The following CHADL variants were observed in gnomAD, a reference collection of about 807,000 sequenced individuals.
CHADL encodes chondroadherin like, also known as chondroadherin-like protein.
Under a neutral mutation model 52.1 loss-of-function variants are expected in CHADL, and 48 were observed. That is an observed-to-expected ratio of 0.92 (90% CI 0.73 to 1.17). CHADL has a LOEUF of 1.17. CHADL is among the 50% of genes most tolerant of loss of function. The pLI, the probability that CHADL is intolerant of heterozygous loss-of-function variation, is 0.00. For synonymous variants in CHADL, 498 were observed against 511.2 expected (o/e 0.97, Z 0.35); for missense variants, 977 against 1,035.1 (o/e 0.94, Z 0.77).
chr22:41,240,458 G>T (rs542918604), intron 1 of CHADL, among the ~76,000 whole-genome samples: 1 of 152,182 alleles, frequency 6.6e-6, no homozygotes, highest in Admixed American at 6.5e-5. Context: ...CCGGCCCCCA[G>T]GAGCCTCCCC....
chr22:41,234,560 T>C (rs1365385937), intron 5 of CHADL, among the ~76,000 whole-genome samples: 2 of 150,890 alleles, frequency 1.3e-5, no homozygotes, highest in African/African-American at 4.9e-5. Context: ...TTTTTTTTTT[T>C]TGAGACAGAG....
Position 41,238,343 on chromosome 22 carries a change from G to A in CHADL, c.729C>T (p.Thr243=). 1 of 1,511,414 alleles carries A rather than the reference G, an allele frequency of 6.6e-7. No individual in the cohort carries two copies. The highest frequency in any genetic ancestry group is 1.2e-5 in the South Asian group (1 of 81,142). 93.6% of individuals were successfully genotyped at this position (1,511,414 alleles called of 1,614,324 possible). ...CCAGCCCGTCCTCCTCGCCCGCGTAGGTGAGCGGGTTGTGGCCCAGCTCCA... is the reference window on the plus strand; with the variant it reads ...CCAGCCCGTCCTCCTCGCCCGCGTAAGTGAGCGGGTTGTGGCCCAGCTCCA... ...ARLELGHNPL[T]YAGEEDGLAL... The change falls in exon 3 of 6, where the codon ACC becomes ACT. Residue 243 remains threonine (T), a synonymous_variant. Coordinates refer to ENST00000216241, the MANE Select transcript of CHADL (RefSeq NM_138481.2). The surrounding 1 kb of genome is among the most constrained non-coding windows in gnomAD (Gnocchi z 4.9).
At position 41,237,311 on chromosome 22, in the gene CHADL, C is replaced by T; in HGVS notation, c.1761G>A (p.Gly587=). 1 of 1,550,694 alleles carries T rather than the reference C, an allele frequency of 6.4e-7. No homozygotes were observed. The highest frequency in any genetic ancestry group is 8.7e-7 in the Non-Finnish European group (1 of 1,146,950). ...GGAGGGCAGGCAGCCCCTCCAAGGC[C>T]CCAGTGGGCACCTCTCGCAGCTGAT... The part of the protein sequence containing the change: ...DRNQLREVPT[G]ALEGLPALLE... Residue 587 remains glycine, a synonymous_variant, in exon 3 of 6, where the codon GGG becomes GGA. Transcript: ENST00000216241.
intron 3 of CHADL, 21 bp downstream of exon 3, chr22:41,237,155 C>T (rs567216899): frequency 1.6e-5 from 24 of 1,521,088 alleles, no homozygotes; most frequent in Non-Finnish European, 1.9e-5. Context: ...GCACCAACCC[C>T]GCCAGATGCC....
At chr22:41,231,059 C>T (rs1456573411) in intron 5 of CHADL, 1 of 152,182 alleles carries the variant, frequency 6.6e-6, no homozygotes, top group Non-Finnish European at 1.5e-5. Flanking sequence ...GTTAAAGGGT[C>T]CAGTTCTGAC....
intron 3 of CHADL, among the ~76,000 whole-genome samples, 180 bp from the exon 4 acceptor site, chr22:41,236,830 G>A (rs569348503): frequency 3.3e-5 from 5 of 152,338 alleles, no homozygotes; most frequent in Admixed American, 2.0e-4. Context: ...CACTTGCTCC[G>A]TCCAAGTCAC....
chr22:41,238,526 C>A lies in CHADL; in HGVS notation c.546G>T (p.Leu182=). The change falls in exon 3 of 6, where the codon CTG becomes CTT. Residue 182 remains leucine (L), a synonymous_variant. Coordinates refer to ENST00000216241, the MANE Select transcript of CHADL (RefSeq NM_138481.2). This position sits in a 1 kb window ranked among gnomAD's most constrained non-coding sequence, Gnocchi z 4.9. The stretch of plus-strand genomic sequence containing the variant: ...GCGACAGCCGCAGCCAGCGGACGCG[C>A]AGTAGCCCCTGGAAGGCCATGGCGG... ...YLPAMAFQGL[L]RVRWLRLSHN... is the part of the protein sequence containing the mutation. 4 of 1,544,484 alleles carry A rather than the reference C, an allele frequency of 2.6e-6. No homozygotes were observed. The highest frequency in any genetic ancestry group is 3.5e-6 in the Non-Finnish European group (4 of 1,145,828).
intron 5 of CHADL, among the ~76,000 whole-genome samples, chr22:41,232,084 G>A (rs965285358): frequency 1.3e-5 from 2 of 152,170 alleles, no homozygotes; most frequent in East Asian, 1.9e-4. Flanking sequence ...TGTAATCCCA[G>A]CACTTTGGGA....
chr22:41,230,488 C>A, intron 5 of CHADL: 1 of 500,794 alleles, frequency 2.0e-6, no homozygotes, highest in Non-Finnish European at 3.5e-6. Context: ...CCCCAGAACT[C>A]GTCTGTGAAC....
chr22:41,237,879 C>T lies in CHADL; in HGVS notation c.1193G>A (p.Arg398His), dbSNP rs989104807. Residue 398 changes from arginine (R) to histidine (H), a missense_variant, in exon 3 of 6, where the codon CGC becomes CAC. By Grantham distance (29) the Arg-to-His change is conservative. Coordinates refer to ENST00000216241, the MANE Select transcript of CHADL (RefSeq NM_138481.2). ...GGACTCGGGGACGCACACGCAGGCG[C>T]GAGGGCAAGGCGCGACTGCCCGCTC... ...GEERAVAPCP[R>H]ACVCVPESRH... 12 of 1,259,212 alleles carry T rather than the reference C, an allele frequency of 9.5e-6. No homozygotes were observed. The highest frequency in any genetic ancestry group is 1.7e-5 in the South Asian group (1 of 59,166). The allele number at this position is 1,259,212 out of a possible 1,614,324, so 78.0% of individuals were successfully genotyped here.
rs775789360 is a variant in CHADL at position 41,229,652 on chromosome 22, C to T, written c.*52G>A. ...AGATCTCGTCGGAGCCTGTTCCTGG[C>T]GAGAGTAAGAGCCACCGGGCTGGGT... is the stretch of plus-strand genomic sequence containing the variant. On this transcript the variant is annotated 3_prime_UTR_variant, in exon 6 of 6. Coordinates refer to ENST00000216241, the MANE Select transcript of CHADL (RefSeq NM_138481.2). 2.1e-5 allele frequency: 34 copies of T among 1,613,308 alleles called. No individual in the cohort carries two copies. Among genetic ancestry groups the T allele is most frequent in the South Asian group, 1.6e-4 (15 of 91,044 alleles).
Position 41,239,459 on chromosome 22 carries a change from G to A in CHADL, c.170C>T (p.Pro57Leu), listed in dbSNP as rs1271623411. Reference protein sequence around the residue: ...ACRYQNLTEVPDAIPELTQRL... With the variant: ...ACRYQNLTEVLDAIPELTQRL... ...CCTGCTGACCTCAGGGATGGCGTCT[G>A]GCACCTCAGTGAGGTTCTGGTACCG... Residue 57 changes from proline (P) to leucine (L), a missense_variant, in exon 2 of 6, where the codon CCA (proline) becomes CTA (leucine). Pro to Leu is a moderately conservative substitution (Grantham distance 98, BLOSUM62 -3). Transcript: ENST00000216241. The A allele has an allele frequency of 6.4e-7, 1 of 1,550,876 alleles. No homozygotes were observed. Among genetic ancestry groups the A allele is most frequent in the Admixed American group, 2.0e-5 (1 of 50,944 alleles).
At chr22:41,236,210 G>T (rs568694952) in intron 4 of CHADL, among the ~76,000 whole-genome samples, 1 of 152,266 alleles carries the variant, frequency 6.6e-6, no homozygotes, top group African/African-American at 2.4e-5. Context: ...AAGTGGTCTC[G>T]CCTACCTATT....
chr22:41,238,094 C>T lies in CHADL; in HGVS notation c.978G>A (p.Ala326=). The change falls in exon 3 of 6, where the codon GCG becomes GCA. Residue 326 remains alanine, a synonymous_variant. Transcript: ENST00000216241. This position sits in a 1 kb window ranked among gnomAD's most constrained non-coding sequence, Gnocchi z 4.9. ...CGCCGTCCGAGCGCACGCGCGCCCGCGCCAGCCACTCGAGTAGGGGCCGCG... is the reference window on the plus strand; with the variant it reads ...CGCCGTCCGAGCGCACGCGCGCCCGTGCCAGCCACTCGAGTAGGGGCCGCG... ...CQARPLLEWL[A]RARVRSDGAC... is the part of the protein sequence containing the mutation. 2.3e-6 allele frequency: 3 copies of T among 1,294,306 alleles called. No individual in the cohort carries two copies. Among genetic ancestry groups the T allele is most frequent in the South Asian group, 5.3e-5 (2 of 37,676 alleles). The allele number at this position is 1,294,306 out of a possible 1,614,324, so 80.2% of individuals were successfully genotyped here. A position where few individuals can be genotyped will look rare whatever the true frequency, so the allele number is the denominator to read the frequency against.
At position 41,238,520 on chromosome 22, in the gene CHADL, G is replaced by A; in HGVS notation, c.552C>T (p.Val184=). 6.5e-7 allele frequency: 1 copy of A among 1,543,494 alleles called. No individual in the cohort carries two copies. The highest frequency in any genetic ancestry group is 8.7e-7 in the Non-Finnish European group (1 of 1,145,470). Residue 184 remains valine (V), a synonymous_variant, in exon 3 of 6, where the codon GTC becomes GTT. Coordinates refer to ENST00000216241, the MANE Select transcript of CHADL (RefSeq NM_138481.2). The surrounding 1 kb of genome is among the most constrained non-coding windows in gnomAD (Gnocchi z 4.9). ...PAMAFQGLLR[V]RWLRLSHNAL... is the part of the protein sequence containing the mutation. ...CGTTGTGCGACAGCCGCAGCCAGCGGACGCGCAGTAGCCCCTGGAAGGCCA... is the reference window on the plus strand; with the variant it reads ...CGTTGTGCGACAGCCGCAGCCAGCGAACGCGCAGTAGCCCCTGGAAGGCCA...
chr22:41,238,566 G>T lies in CHADL; in HGVS notation c.506C>A (p.Ala169Asp). ...GGCCATGGCGGGCAGGTAAACCAGG[G>T]CGTTGTGGGCCAGGTTTAGCGTGGC... ...ALATLNLAHNALVYLPAMAFQ... is the reference protein window; with the variant it reads ...ALATLNLAHNDLVYLPAMAFQ... The change falls in exon 3 of 6, where the codon GCC (alanine) becomes GAC (aspartate). Residue 169 changes from alanine to aspartate, a missense_variant. Physicochemically the swap from Ala to Asp is moderately radical, Grantham distance 126. Transcript: ENST00000216241. The surrounding 1 kb of genome is among the most constrained non-coding windows in gnomAD (Gnocchi z 4.9). 2 of 1,546,418 alleles carry T rather than the reference G, an allele frequency of 1.3e-6. No individual in the cohort carries two copies. The highest frequency in any genetic ancestry group is 1.7e-6 in the Non-Finnish European group (2 of 1,146,454).
chr22:41,230,090 T>G, intron 5 of CHADL: 1 of 256,762 alleles, frequency 3.9e-6, no homozygotes, highest in East Asian at 6.9e-5. Context: ...CCCCCACCCC[T>G]CCCAGAGTTA....
chr22:41,234,974 CCA>C (rs1405109099), intron 5 of CHADL, among the ~76,000 whole-genome samples, 169 bp downstream of exon 5: 1 of 152,244 alleles, frequency 6.6e-6, no homozygotes. Flanking sequence ...CAGGCGTGAG[CCA>C]CCGCGCCCAG....
Position 41,237,911 on chromosome 22 carries a change from G to A in CHADL, c.1161C>T (p.Pro387=). 7.7e-7 allele frequency: 1 copy of A among 1,297,116 alleles called. No individual in the cohort carries two copies. The highest frequency in any genetic ancestry group is 9.7e-7 in the Non-Finnish European group (1 of 1,028,556). 80.4% of individuals were successfully genotyped at this position (1,297,116 alleles called of 1,614,324 possible). A position where few individuals can be genotyped will look rare whatever the true frequency, so the allele number is the denominator to read the frequency against. ...AAGGCGCGACTGCCCGCTCCTCCCC[G>A]GGGCCGCGCGGAGGGCCGCGCGGAG... The part of the protein sequence containing the change: ...RAPPRGPPRG[P]GEERAVAPCP... The change falls in exon 3 of 6, where the codon CCC becomes CCT. Residue 387 remains proline, a synonymous_variant. Transcript: ENST00000216241.
Sources: gnomAD v4.1 joint callset for allele counts (sites outside exome capture counted in the v4.1 genomes callset) on GRCh38, gnomAD v4.1.1 for gene constraint, Gnocchi (gnomAD v3.1) non-coding constraint, MANE v1.5 for transcripts, NCBI Gene and HGNC (gene_info 2026-07-23, HGNC 2026-07-21) for gene names.